Variants in UBAP2 observed in about 807,000 individuals in gnomAD.
UBAP2 encodes the protein ubiquitin associated protein 2, also known as ubiquitin-associated protein 2.
UBAP2 carries 75 observed loss-of-function variants against 139.6 expected under a neutral mutation model. The ratio of observed to expected loss-of-function variants is 0.54; its 90% CI spans 0.45 to 0.65. The LOEUF (loss-of-function observed/expected upper bound fraction) is 0.65, where lower values mean the gene tolerates loss of function less well. Ranked by LOEUF, UBAP2 falls within the 30% of genes least tolerant of loss-of-function variation. The pLI, the probability that UBAP2 is intolerant of heterozygous loss-of-function variation, is 0.00. For missense variants in UBAP2, 1,368 were observed against 1,369.6 expected (o/e 1.00, Z 0.02); for synonymous variants, 526 against 526.2 (o/e 1.00, Z 0.01).
At chr9:33,978,555 G>A (rs759702992) in intron 6 of UBAP2, among the ~76,000 whole-genome samples, 22 of 151,930 alleles carry the variant, frequency 1.4e-4, no homozygotes, top group Admixed American at 3.9e-4. Flanking sequence ...GGCGGATCAC[G>A]AGATCAGGAG....
chr9:33,954,301 C>CACACACACACACACAT (rs1554682975), intron 11 of UBAP2, among the ~76,000 whole-genome samples: 6,837 of 146,230 alleles, frequency 0.047, 232 homozygotes, highest in African/African-American at 0.068. Context: ...CACACACACA[C>CACACACACACACACAT]GCCCATATAA....
Position 34,017,203 on chromosome 9 carries a change from G to A in UBAP2, c.-41-14C>T. On this transcript the variant is annotated splice_polypyrimidine_tract_variant and intron_variant, in intron 1 of 28. Coordinates refer to ENST00000379238, the MANE Select transcript of UBAP2 (RefSeq NM_001370062.2). ...AAAATAGAAAATCTGCAAGAAAGTA[G>A]GGATGGTAAGCAAAACAATCATAGT... The A allele has an allele frequency of 8.0e-7, 1 of 1,250,062 alleles. No homozygotes were observed. Among genetic ancestry groups the A allele is most frequent in the South Asian group, 1.5e-5 (1 of 65,292 alleles). The allele number at this position is 1,250,062 out of a possible 1,614,324, so 77.4% of individuals were successfully genotyped here.
At position 33,971,689 on chromosome 9, in the gene UBAP2, A is replaced by G; in HGVS notation, c.641T>C (p.Val214Ala). Residue 214 changes from valine (V) to alanine (A), a missense_variant, in exon 8 of 29, where the codon GTT becomes GCT. Physicochemically the swap from Val to Ala is moderately conservative, Grantham distance 64 (BLOSUM62 0). Coordinates refer to ENST00000379238, the MANE Select transcript of UBAP2 (RefSeq NM_001370062.2). ...STDVCGTKLV[V>A]WEAAQNGADE... Reference sequence around the variant, plus strand: ...TGCACCATTCTGAGCAGCTTCCCAAACTACTAGCTTTGTCCCACACACATC... The same window carrying G: ...TGCACCATTCTGAGCAGCTTCCCAAGCTACTAGCTTTGTCCCACACACATC... 1.2e-6 allele frequency: 2 copies of G among 1,613,004 alleles called. No homozygotes were observed. The highest frequency in any genetic ancestry group is 2.2e-5 in the South Asian group (2 of 91,064).
At chr9:34,008,794 G>A (rs531408757) in intron 2 of UBAP2, among the ~76,000 whole-genome samples, 10 of 151,286 alleles carry the variant, frequency 6.6e-5, no homozygotes, top group East Asian at 2.0e-4. Context: ...GTGAAACCCC[G>A]TCTCTACTGA....
chr9:33,957,324 C>T (rs72727362), intron 10 of UBAP2, among the ~76,000 whole-genome samples: 12,035 of 152,116 alleles, frequency 0.079, 682 homozygotes, highest in Non-Finnish European at 0.12. Flanking sequence ...TACATAGGCC[C>T]CCATGAAACC....
chr9:33,992,710 T>C (rs1457426959), intron 4 of UBAP2, among the ~76,000 whole-genome samples: 1 of 151,500 alleles, frequency 6.6e-6, no homozygotes, highest in Non-Finnish European at 1.5e-5. Flanking sequence ...ATCTTTACAA[T>C]ACCATAGTAA....
At chr9:34,040,941 T>C (rs1827016299) in intron 1 of UBAP2, among the ~76,000 whole-genome samples, 1 of 152,126 alleles carries the variant, frequency 6.6e-6, no homozygotes, top group Non-Finnish European at 1.5e-5. Flanking sequence ...CATTACTTAG[T>C]AAAAGTTACA....
chr9:34,034,897 A>C (rs971740632), intron 1 of UBAP2, among the ~76,000 whole-genome samples: 1 of 142,230 alleles, frequency 7.0e-6, no homozygotes, highest in Non-Finnish European at 1.6e-5. Flanking sequence ...CAAAAAAAAA[A>C]CGAATCGCTC....
intron 22 of UBAP2, among the ~76,000 whole-genome samples, 159 bp from the exon 23 acceptor site, chr9:33,924,443 AAG>A (rs1823245147): frequency 6.6e-6 from 1 of 152,196 alleles, no homozygotes; most frequent in African/African-American, 2.4e-5. Context: ...TGCCCCTCGG[AAG>A]AGTGTGCAAC....
chr9:33,944,706 G>C, intron 13 of UBAP2, 67 bp from the exon 14 acceptor site: 1 of 1,516,126 alleles, frequency 6.6e-7, no homozygotes, highest in Non-Finnish European at 9.0e-7. Context: ...AGAACATGAA[G>C]TGTTCTATTA....
Position 33,942,817 on chromosome 9 carries a change from CAT to C in UBAP2, c.1715+601_1715+602del, listed in dbSNP as rs571866485. On this transcript the variant is annotated intron_variant, in intron 15 of 28. Transcript: ENST00000379238. ...ACTGAAGGAAAATGACTGCTGCAAACATGTGGAGAAATTAGATCCCTCATAGA... is the reference window on the plus strand; with the variant it reads ...ACTGAAGGAAAATGACTGCTGCAAACGTGGAGAAATTAGATCCCTCATAGA... Among the ~76,000 whole-genome samples, 90 of 151,894 alleles carry C rather than the reference CAT, an allele frequency of 5.9e-4. 1 individual carries two copies. The Middle Eastern group carries it at 0.014, about 23-fold the overall frequency.
chr9:34,042,815 C>T (rs1338402336), intron 1 of UBAP2, among the ~76,000 whole-genome samples: 1 of 151,248 alleles, frequency 6.6e-6, no homozygotes, highest in African/African-American at 2.4e-5. Flanking sequence ...ATTAAGCTCA[C>T]ACCTGTAATC....
intron 2 of UBAP2, among the ~76,000 whole-genome samples, chr9:34,004,526 T>C: frequency 6.6e-6 from 1 of 152,036 alleles, no homozygotes; most frequent in Non-Finnish European, 1.5e-5. Flanking sequence ...CTCACGCCTA[T>C]AATCCCAGCA....
intron 22 of UBAP2, 137 bp downstream of exon 22, chr9:33,926,480 T>C: frequency 1.1e-6 from 1 of 927,176 alleles, no homozygotes; most frequent in South Asian, 1.4e-5. Flanking sequence ...TGAAAACAGC[T>C]TTCTCAGTAG....
rs1825485740 is a variant in UBAP2, at chr9:34,027,336, C to G, written c.-41-10147G>C. 3.3e-5 allele frequency among the ~76,000 whole-genome samples: 5 copies of G among 152,138 alleles called. No individual in the cohort carries two copies. The South Asian group carries it at 1.0e-3, about 32-fold the overall frequency. On this transcript the variant is annotated intron_variant, in intron 1 of 28. Transcript: ENST00000379238. The stretch of plus-strand genomic sequence containing the variant: ...CCCTACTAAAAATACAAAAAATAAG[C>G]CAGGTGTGGTGGCGCATGCCTGTAA...
At chr9:33,962,644 A>AT (rs1827139804) in intron 9 of UBAP2, among the ~76,000 whole-genome samples, 1 of 133,862 alleles carries the variant, frequency 7.5e-6, no homozygotes, top group Non-Finnish European at 1.6e-5. Context: ...ACTCTATCTC[A>AT]AAAATAAATA....
Position 34,017,168 on chromosome 9 carries a change from A to G in UBAP2, c.-20T>C. On this transcript the variant is annotated 5_prime_UTR_variant, in exon 2 of 29. Transcript: ENST00000379238. The stretch of plus-strand genomic sequence containing the variant: ...CATCATATACAGTATATACAAAATA[A>G]TGTATGTACAAAATAGAAAATCTGC... The G allele has an allele frequency of 1.3e-6, 2 of 1,509,794 alleles. No individual in the cohort carries two copies. Among genetic ancestry groups the G allele is most frequent in the Admixed American group, 2.2e-5 (1 of 45,176 alleles). 93.5% of individuals were successfully genotyped at this position (1,509,794 alleles called of 1,614,324 possible).
At chr9:34,005,235 C>A (rs567084894) in intron 2 of UBAP2, among the ~76,000 whole-genome samples, 1 of 150,272 alleles carries the variant, frequency 6.7e-6, no homozygotes, top group South Asian at 2.1e-4. Flanking sequence ...TGTACTCCAG[C>A]CTGGGCAGCA....
intron 5 of UBAP2, among the ~76,000 whole-genome samples, chr9:33,987,797 G>A (rs1419697367): frequency 6.6e-6 from 1 of 152,128 alleles, no homozygotes; most frequent in Non-Finnish European, 1.5e-5. Context: ...CATTAATTAG[G>A]TTCAAAGCCT....
Sources: allele counts gnomAD v4.1 joint callset (sites outside exome capture counted in the v4.1 genomes callset), GRCh38; gene constraint gnomAD v4.1.1; transcripts MANE v1.5; gene names NCBI Gene and HGNC (gene_info 2026-07-23, HGNC 2026-07-21).